Variants in DNAAF4 observed in about 807,000 individuals in gnomAD.
DNAAF4 encodes the protein dynein assembly factor 4, axonemal.
Under a neutral mutation model 51.8 loss-of-function variants are expected in DNAAF4, and 43 were observed. The observed-to-expected ratio is 0.83, with a 90% CI of 0.65 to 1.07. The LOEUF is 1.07. Ranked by LOEUF, DNAAF4 falls within the 50% of genes least tolerant of loss-of-function variation. The pLI, the probability that DNAAF4 is intolerant of heterozygous loss-of-function variation, is 0.00. For missense variants in DNAAF4, 581 were observed against 493.0 expected, an observed-to-expected ratio of 1.18 and a Z score of -1.69; for synonymous variants, 194 against 165.6, an observed-to-expected ratio of 1.17 and a Z score of -1.32.
intron 4 of DNAAF4, among the ~76,000 whole-genome samples, chr15:55,474,161 T>C (rs1480414172): frequency 2.6e-5 from 4 of 152,110 alleles, no homozygotes; most frequent in African/African-American, 9.7e-5. Context: ...ATTGCATCAT[T>C]TGCAAATAAT....
At chr15:55,468,125 T>A (rs879390707) in intron 4 of DNAAF4, among the ~76,000 whole-genome samples, 3 of 152,232 alleles carry the variant, frequency 2.0e-5, no homozygotes, top group Non-Finnish European at 2.9e-5. Context: ...TTAAGTTTCA[T>A]TAATGTACAT....
intron 7 of DNAAF4, among the ~76,000 whole-genome samples, chr15:55,421,799 G>A (rs1460575250): frequency 6.6e-6 from 1 of 151,720 alleles, no homozygotes; most frequent in African/African-American, 2.4e-5. Context: ...TGAGGCAGAA[G>A]AATCTCTTGA....
intron 4 of DNAAF4, among the ~76,000 whole-genome samples, chr15:55,488,388 C>T (rs1238994898): frequency 1.3e-5 from 2 of 152,146 alleles, no homozygotes; most frequent in Non-Finnish European, 2.9e-5. Context: ...TTTATGCTAA[C>T]TTAAGCTAAC....
chr15:55,493,419 G>A (rs150026253), intron 3 of DNAAF4, among the ~76,000 whole-genome samples: 1 of 152,276 alleles, frequency 6.6e-6, no homozygotes, highest in East Asian at 1.9e-4. Flanking sequence ...AGTTAGGTCT[G>A]AAGCCTCTTC....
chr15:55,435,844 A>G (rs2141413300), intron 7 of DNAAF4, among the ~76,000 whole-genome samples: 1 of 152,240 alleles, frequency 6.6e-6, no homozygotes, highest in African/African-American at 2.4e-5. Context: ...GCTGGAGTGC[A>G]ATGGTGCGAT....
At chr15:55,506,262 G>A (rs1303892784) in intron 1 of DNAAF4, among the ~76,000 whole-genome samples, 1 of 152,066 alleles carries the variant, frequency 6.6e-6, no homozygotes, top group East Asian at 1.9e-4. Context: ...GGGCAAATTG[G>A]CATAATCTTA....
intron 3 of DNAAF4, chr15:55,494,988 G>C (rs971729497): frequency 6.6e-6 from 1 of 152,084 alleles, no homozygotes; most frequent in Non-Finnish European, 1.5e-5. Context: ...CATATGGCCT[G>C]TGAAGTCTAA....
chr15:55,458,669 C>G (rs1342685539), intron 5 of DNAAF4, among the ~76,000 whole-genome samples: 1 of 152,110 alleles, frequency 6.6e-6, no homozygotes, highest in African/African-American at 2.4e-5. Context: ...TCTAGACATC[C>G]AAATACAAGA....
intron 4 of DNAAF4, among the ~76,000 whole-genome samples, chr15:55,486,858 C>T (rs1267497676): frequency 1.3e-5 from 2 of 151,802 alleles, no homozygotes; most frequent in South Asian, 2.1e-4. Context: ...CATCATCAAT[C>T]TTCTCTCTTC....
intron 1 of DNAAF4, among the ~76,000 whole-genome samples, chr15:55,504,600 G>C (rs1429964402): frequency 2.6e-5 from 4 of 152,052 alleles, no homozygotes; most frequent in African/African-American, 4.8e-5. Context: ...CAGAACAGAG[G>C]CCTCAGAAAT....
At chr15:55,488,174 G>A (rs922370054) in intron 4 of DNAAF4, among the ~76,000 whole-genome samples, 1 of 151,012 alleles carries the variant, frequency 6.6e-6, no homozygotes, top group African/African-American at 2.4e-5. Flanking sequence ...AAAACAGAGA[G>A]TCTAACCAGA....
chr15:55,504,644 C>T (rs139917842), intron 1 of DNAAF4, among the ~76,000 whole-genome samples: 171 of 152,272 alleles, frequency 1.1e-3, no homozygotes, highest in African/African-American at 3.8e-3. Context: ...TGATCTTTCA[C>T]AAACCTGATA....
rs758255616 is a variant in DNAAF4 at position 55,439,556 on chromosome 15, C to T, written c.809G>A (p.Arg270Gln). Residue 270 changes from arginine (R) to glutamine (Q), a missense_variant, in exon 7 of 10, where the codon CGA (arginine) becomes CAA (glutamine). Arg to Gln is a conservative substitution (Grantham distance 43). Coordinates refer to ENST00000321149, the MANE Select transcript of DNAAF4 (RefSeq NM_130810.4). ...AGCTATGTCAGTATTCATTGCTCTT[C>T]GTGCCTCAGCTTGTTTGTGTAGCCA... is the stretch of plus-strand genomic sequence containing the variant. ...EEWLHKQAEA[R>Q]RAMNTDIAEL... The T allele has an allele frequency of 8.1e-6, 13 of 1,613,940 alleles. No homozygotes were observed. The East Asian group carries it at 1.8e-4, about 22-fold the overall frequency.
At chr15:55,473,090 C>G (rs2058278470) in intron 4 of DNAAF4, among the ~76,000 whole-genome samples, 1 of 149,450 alleles carries the variant, frequency 6.7e-6, no homozygotes, top group South Asian at 2.1e-4. Context: ...CGCTTAAACC[C>G]AAGAGGCAGA....
intron 3 of DNAAF4, chr15:55,495,280 C>G (rs1420689672): frequency 6.7e-6 from 1 of 149,536 alleles, no homozygotes; most frequent in Non-Finnish European, 1.5e-5. Context: ...ATTCTCTGAG[C>G]TGAATACCCG....
intron 5 of DNAAF4, among the ~76,000 whole-genome samples, chr15:55,462,163 A>C (rs910762016): frequency 1.3e-5 from 2 of 152,118 alleles, no homozygotes; most frequent in Non-Finnish European, 2.9e-5. Context: ...ATGGCCAACT[A>C]AAAAAAGTCC....
chr15:55,455,146 T>G (rs2057998752), intron 5 of DNAAF4, among the ~76,000 whole-genome samples: 1 of 148,078 alleles, frequency 6.8e-6, no homozygotes, highest in South Asian at 2.1e-4. Flanking sequence ...AAAACCTCCA[T>G]AAAAAAACTC....
chr15:55,435,892 G>A (rs985903202), intron 7 of DNAAF4, among the ~76,000 whole-genome samples: 9 of 152,112 alleles, frequency 5.9e-5, no homozygotes, highest in Admixed American at 3.3e-4. Flanking sequence ...AGGTTCAAAC[G>A]ATTCTCCTGC....
rs2057672045 is a variant in DNAAF4, at chr15:55,439,475, C to G, written c.890G>C (p.Gly297Ala). ...EKNPEWLKDK[G>A]NKLFATENYL... Reference sequence around the variant, plus strand: ...GATCAGAGTTCAAACAACTTACTTTCCTTTATCCTTCAACCATTCTGGGTT... The same window carrying G: ...GATCAGAGTTCAAACAACTTACTTTGCTTTATCCTTCAACCATTCTGGGTT... Residue 297 changes from glycine to alanine, a missense_variant, in exon 7 of 10, where the codon GGA (glycine) becomes GCA (alanine). Gly to Ala is a moderately conservative substitution (Grantham distance 60). Transcript: ENST00000321149. 1 of 1,612,222 alleles carries G rather than the reference C, an allele frequency of 6.2e-7. No homozygotes were observed. Among genetic ancestry groups the G allele is most frequent in the African/African-American group, 1.3e-5 (1 of 75,002 alleles).
Sources: allele counts gnomAD v4.1 joint callset (sites outside exome capture counted in the v4.1 genomes callset), GRCh38; gene constraint gnomAD v4.1.1; transcripts MANE v1.5; gene names NCBI Gene and HGNC (gene_info 2026-07-23, HGNC 2026-07-21).